CYRIA: variants seen among roughly 807,000 people sequenced by gnomAD.
The protein encoded by CYRIA is CYFIP related Rac1 interactor A, also known as CYFIP-related Rac1 interactor A.
A neutral mutation model predicts 43.9 loss-of-function variants in CYRIA; 15 were observed. The ratio of observed to expected loss-of-function variants is 0.34; its 90% CI spans 0.23 to 0.53. The LOEUF is 0.53. Ranked by LOEUF, CYRIA falls within the 20% of genes least tolerant of loss-of-function variation. CYRIA has a pLI of 0.94. For synonymous variants in CYRIA, 117 were observed against 136.0 expected (o/e 0.86, Z 0.97); for missense variants, 236 against 394.2 (o/e 0.60, Z 3.40).
At chr2:16,629,083 C>T (rs1572188532) in intron 1 of CYRIA, among the ~76,000 whole-genome samples, 1 of 151,740 alleles carries the variant, frequency 6.6e-6, no homozygotes, top group African/African-American at 2.4e-5. Flanking sequence ...TGAGGACAGC[C>T]TGAGACAAGC....
intron 2 of CYRIA, among the ~76,000 whole-genome samples, chr2:16,609,011 C>CA (rs367628767): frequency 4.7e-4 from 70 of 150,528 alleles, no homozygotes; most frequent in East Asian, 1.6e-3. Context: ...CCCCATTATC[C>CA]AAAAAAAAAC....
At chr2:16,664,166 G>A (rs900962547) in intron 1 of CYRIA, among the ~76,000 whole-genome samples, 7 of 152,094 alleles carry the variant, frequency 4.6e-5, no homozygotes, top group Non-Finnish European at 2.9e-5. Flanking sequence ...GCCCAAGCCC[G>A]TGATGCTGCT....
At chr2:16,662,407 C>A (rs1031579615) in intron 1 of CYRIA, among the ~76,000 whole-genome samples, 1 of 152,212 alleles carries the variant, frequency 6.6e-6, no homozygotes, top group Non-Finnish European at 1.5e-5. Context: ...ATAATTACTG[C>A]AATTTCTCAG....
intron 1 of CYRIA, among the ~76,000 whole-genome samples, chr2:16,626,318 AC>A (rs1669163368): frequency 6.6e-6 from 1 of 152,006 alleles, no homozygotes; most frequent in Non-Finnish European, 1.5e-5. Flanking sequence ...AAAAATACAG[AC>A]CCAATCCAGA....
chr2:16,649,227 C>T (rs1341738942), intron 1 of CYRIA, among the ~76,000 whole-genome samples: 1 of 152,108 alleles, frequency 6.6e-6, no homozygotes, highest in African/African-American at 2.4e-5. Flanking sequence ...TATGCAAATA[C>T]TATGTCATTT....
In CYRIA at chr2:16,565,498, T is replaced by G. The variant is rs983666970; in HGVS notation, c.192+148A>C. ...ACCGCAGCCGGCCCATGCATTTTGT[T>G]TTTAAGGACACATTACCCTCCTTGT... On this transcript the variant is annotated intron_variant, in intron 4 of 11. Transcript: ENST00000381323. The G allele has an allele frequency of 7.9e-6, 8 of 1,017,550 alleles. 1 individual carries two copies. The highest frequency in any genetic ancestry group is 6.5e-6 in the Non-Finnish European group (5 of 763,842). The allele number at this position is 1,017,550 out of a possible 1,614,324, so 63.0% of individuals were successfully genotyped here.
intron 1 of CYRIA, among the ~76,000 whole-genome samples, chr2:16,652,756 C>G (rs114816429): frequency 6.6e-6 from 1 of 152,248 alleles, no homozygotes; most frequent in South Asian, 2.1e-4. Context: ...CAGCAGGGAT[C>G]GGATGAGCAG....
intron 2 of CYRIA, among the ~76,000 whole-genome samples, chr2:16,603,590 C>T (rs1668280687): frequency 6.6e-6 from 1 of 152,170 alleles, no homozygotes; most frequent in South Asian, 2.1e-4. Flanking sequence ...AAACAAAAGC[C>T]ACTCTTCTGA....
chr2:16,587,380 A>C (rs954183965), intron 3 of CYRIA, among the ~76,000 whole-genome samples: 2 of 152,134 alleles, frequency 1.3e-5, no homozygotes, highest in African/African-American at 4.8e-5. Context: ...GTGCTCAATA[A>C]ATGTGGGCTT....
At chr2:16,580,498 T>C (rs545052871) in intron 3 of CYRIA, among the ~76,000 whole-genome samples, 1 of 152,182 alleles carries the variant, frequency 6.6e-6, no homozygotes, top group Admixed American at 6.5e-5. Flanking sequence ...AAATGATATA[T>C]AAATAAAAGG....
Position 16,580,917 on chromosome 2 carries a change from A to G in CYRIA, c.70+7133T>C, listed in dbSNP as rs11884563. On this transcript the variant is annotated intron_variant, in intron 3 of 11. Coordinates refer to ENST00000381323, the MANE Select transcript of CYRIA (RefSeq NM_030797.4). The stretch of plus-strand genomic sequence containing the variant: ...ATTATGGACTATGAAAAAATAATAA[A>G]CCTAATACCTTTCTCACAACATATG... Among the ~76,000 whole-genome samples the G allele has an allele frequency of 8.1e-3, 1,236 of 152,274 alleles. 19 individuals are homozygous for G. Among genetic ancestry groups the G allele is most frequent in the African/African-American group, 0.028 (1,144 of 41,560 alleles).
intron 2 of CYRIA, chr2:16,622,995 T>G (rs1350334106): frequency 6.6e-6 from 1 of 152,204 alleles, no homozygotes; most frequent in Non-Finnish European, 1.5e-5. Context: ...TTCAGAAAAG[T>G]CAAGGTATCT....
At chr2:16,574,632 G>T (rs984611557) in intron 3 of CYRIA, among the ~76,000 whole-genome samples, 1 of 152,180 alleles carries the variant, frequency 6.6e-6, no homozygotes, top group Admixed American at 6.5e-5. Flanking sequence ...GTGACTAAAA[G>T]GTACCAAGGT....
In CYRIA at chr2:16,635,704, T is replaced by C. The variant is rs79581679; in HGVS notation, c.-166-11685A>G. 3.0e-3 allele frequency among the ~76,000 whole-genome samples: 462 copies of C among 152,160 alleles called. 2 individuals carry two copies. Among genetic ancestry groups the C allele is most frequent in the Middle Eastern group, 6.8e-3 (2 of 294 alleles). On this transcript the variant is annotated intron_variant, in intron 1 of 11. Transcript: ENST00000381323. ...CTGGAGACTCAGATTAGACAAATAA[T>C]CACTAGCCTGGCATCCAGAGCCGCG...
intron 2 of CYRIA, among the ~76,000 whole-genome samples, chr2:16,601,774 A>G (rs887087816): frequency 1.3e-5 from 2 of 152,042 alleles, no homozygotes; most frequent in Non-Finnish European, 2.9e-5. Flanking sequence ...TTGCAACTCT[A>G]TTTTTGTTTA....
At position 16,553,082 on chromosome 2, in the gene CYRIA, A is replaced by G. The variant is rs1666372196; in HGVS notation, c.909-83T>C. On this transcript the variant is annotated intron_variant, in intron 11 of 11. Transcript: ENST00000381323. ...GCCCATCTTTACCTTCGGAAACACA[A>G]TTGATATTTGGGCTTATTTCTTTAG... 3.5e-6 allele frequency: 3 copies of G among 862,298 alleles called. No individual in the cohort carries two copies. The Admixed American group carries it at 5.2e-5, about 15-fold the overall frequency. 53.4% of individuals were successfully genotyped at this position (862,298 alleles called of 1,614,324 possible). A position where few individuals can be genotyped will look rare whatever the true frequency, so the allele number is the denominator to read the frequency against.
intron 2 of CYRIA, among the ~76,000 whole-genome samples, chr2:16,590,678 A>T (rs1443237687): frequency 6.6e-6 from 1 of 152,142 alleles, no homozygotes; most frequent in Non-Finnish European, 1.5e-5. Flanking sequence ...GGCTGATATC[A>T]TCAGATATTT....
chr2:16,638,520 C>T (rs1572196049), intron 1 of CYRIA, among the ~76,000 whole-genome samples: 1 of 152,000 alleles, frequency 6.6e-6, no homozygotes, highest in African/African-American at 2.4e-5. Flanking sequence ...GCACAGAGCA[C>T]GGGCCTTGAA....
intron 2 of CYRIA, among the ~76,000 whole-genome samples, chr2:16,607,483 T>G (rs1211785599): frequency 1.3e-5 from 2 of 152,216 alleles, no homozygotes; most frequent in African/African-American, 4.8e-5. Context: ...AAGCCTGGCT[T>G]AGAGCTCTCT....
Sources: gnomAD v4.1 joint callset for allele counts (sites outside exome capture counted in the v4.1 genomes callset) on GRCh38, gnomAD v4.1.1 for gene constraint, MANE v1.5 for transcripts, NCBI Gene and HGNC (gene_info 2026-07-23, HGNC 2026-07-21) for gene names.